NDUFS4: variants seen among roughly 807,000 people sequenced by gnomAD.
NDUFS4 encodes the protein NADH:ubiquinone oxidoreductase subunit S4.
In NDUFS4, 28 loss-of-function variants were observed where a neutral mutation model predicts 24.3. The ratio of observed to expected loss-of-function variants is 1.15; its 90% CI spans 0.85 to 1.58. The LOEUF (loss-of-function observed/expected upper bound fraction) is 1.58, where lower values mean the gene tolerates loss of function less well. Among genes scored for constraint, NDUFS4 ranks in the 40% most tolerant of loss-of-function variants. NDUFS4 has a pLI of 0.00. For synonymous variants in NDUFS4, 93 were observed against 69.7 expected (o/e 1.34, Z -1.67); for missense variants, 223 against 207.9 (o/e 1.07, Z -0.45).
intron 4 of NDUFS4, among the ~76,000 whole-genome samples, chr5:53,663,892 T>C (rs1752425689): frequency 6.6e-6 from 1 of 152,200 alleles, no homozygotes; most frequent in African/African-American, 2.4e-5. Context: ...CAGCTGGTTA[T>C]TTTGCTCATT....
At chr5:53,624,051 T>C (rs1308905128) in intron 2 of NDUFS4, among the ~76,000 whole-genome samples, 1 of 152,198 alleles carries the variant, frequency 6.6e-6, no homozygotes, top group Admixed American at 6.5e-5. Context: ...TTGTATATGG[T>C]GTAAGACAAG....
intron 1 of NDUFS4, among the ~76,000 whole-genome samples, chr5:53,568,345 A>G (rs577281080): frequency 1.3e-5 from 2 of 152,220 alleles, no homozygotes; most frequent in South Asian, 2.1e-4. Flanking sequence ...GCTTAGCTCT[A>G]TGGTGATTCT....
chr5:53,645,695 AGTT>A (rs1232160915), intron 2 of NDUFS4, among the ~76,000 whole-genome samples: 1 of 152,234 alleles, frequency 6.6e-6, no homozygotes, highest in Non-Finnish European at 1.5e-5. Context: ...TGCTAATTAA[AGTT>A]GTTAAATTTA....
rs568220240 is a variant in NDUFS4 at position 53,571,893 on chromosome 5, G to C, written c.98+11133G>C. 1.3e-4 allele frequency among the ~76,000 whole-genome samples: 20 copies of C among 152,158 alleles called. 1 individual carries two copies. The South Asian group carries it at 3.5e-3, about 27-fold the overall frequency. ...AATCATGTTATTTTCTTATTGTTCA[G>C]CTTTTATAGTTCCTAAAATATTCTG... On this transcript the variant is annotated intron_variant, in intron 1 of 4. Coordinates refer to ENST00000296684, the MANE Select transcript of NDUFS4 (RefSeq NM_002495.4).
intron 4 of NDUFS4, among the ~76,000 whole-genome samples, chr5:53,663,147 A>T (rs1290510295): frequency 6.6e-6 from 1 of 152,048 alleles, no homozygotes; most frequent in African/African-American, 2.4e-5. Context: ...GAGTTTCTTA[A>T]TCCTGAGTTC....
intron 1 of NDUFS4, among the ~76,000 whole-genome samples, chr5:53,584,669 A>G (rs1195667649): frequency 6.6e-6 from 1 of 152,180 alleles, no homozygotes; most frequent in Non-Finnish European, 1.5e-5. Context: ...TAGGTATGCC[A>G]ATTTGTAGTT....
chr5:53,598,009 A>G (rs1750180925), intron 1 of NDUFS4, among the ~76,000 whole-genome samples: 1 of 152,244 alleles, frequency 6.6e-6, no homozygotes, highest in African/African-American at 2.4e-5. Context: ...AATATGTTCA[A>G]CGTCATATGT....
At chr5:53,562,906 C>G (rs1331787425) in intron 1 of NDUFS4, among the ~76,000 whole-genome samples, 1 of 150,696 alleles carries the variant, frequency 6.6e-6, no homozygotes, top group African/African-American at 2.4e-5. Flanking sequence ...GAAGTGGAAT[C>G]AGTAAGGTAA....
intron 4 of NDUFS4, among the ~76,000 whole-genome samples, chr5:53,675,476 A>G (rs1485820629): frequency 3.9e-5 from 6 of 152,112 alleles, no homozygotes; most frequent in African/African-American, 1.2e-4. Flanking sequence ...GTTCCCTAAA[A>G]AGACTTTATA....
At chr5:53,666,022 C>A (rs1318323780) in intron 4 of NDUFS4, among the ~76,000 whole-genome samples, 1 of 152,302 alleles carries the variant, frequency 6.6e-6, no homozygotes, top group South Asian at 2.1e-4. Context: ...TTCTTAAGTG[C>A]AATTCCTTAC....
chr5:53,678,345 C>T lies in NDUFS4; in HGVS notation c.425-4773C>T, dbSNP rs145331961. Among the ~76,000 whole-genome samples, 707 of 152,242 alleles carry T rather than the reference C, an allele frequency of 4.6e-3. 5 individuals are homozygous for T. The highest frequency in any genetic ancestry group is 0.016 in the African/African-American group (681 of 41,534). Reference sequence around the variant, plus strand: ...CAGTGTGTGAAACAGCAAAGGGAGTCAGCTTCTCATCATTTAGGTGCTGGT... The same window carrying T: ...CAGTGTGTGAAACAGCAAAGGGAGTTAGCTTCTCATCATTTAGGTGCTGGT... On this transcript the variant is annotated intron_variant, in intron 4 of 4. Transcript: ENST00000296684.
At chr5:53,656,003 G>C (rs1279985539) in intron 3 of NDUFS4, among the ~76,000 whole-genome samples, 2 of 151,986 alleles carry the variant, frequency 1.3e-5, no homozygotes, top group African/African-American at 2.4e-5. Flanking sequence ...AAAGCTCCCT[G>C]CTCTGTGGAT....
chr5:53,645,926 A>G (rs1056842996), intron 2 of NDUFS4, among the ~76,000 whole-genome samples: 2 of 152,156 alleles, frequency 1.3e-5, no homozygotes, highest in African/African-American at 2.4e-5. Context: ...ATTGTTGACT[A>G]CAGGCTCTTC....
chr5:53,673,589 T>C (rs1230706926), intron 4 of NDUFS4, among the ~76,000 whole-genome samples: 2 of 152,142 alleles, frequency 1.3e-5, no homozygotes, highest in Non-Finnish European at 2.9e-5. Flanking sequence ...GATAAGACAT[T>C]CTCTTTCTCT....
At chr5:53,564,438 T>C (rs1353005827) in intron 1 of NDUFS4, among the ~76,000 whole-genome samples, 1 of 152,220 alleles carries the variant, frequency 6.6e-6, no homozygotes, top group Non-Finnish European at 1.5e-5. Context: ...ATTTCTAATA[T>C]GTTTTCTGAT....
intron 3 of NDUFS4, among the ~76,000 whole-genome samples, chr5:53,657,508 T>A (rs1752199152): frequency 6.6e-6 from 1 of 152,200 alleles, no homozygotes; most frequent in South Asian, 2.1e-4. Flanking sequence ...AAATTACCTT[T>A]TGAATCCTCC....
intron 1 of NDUFS4, among the ~76,000 whole-genome samples, chr5:53,568,571 G>T (rs934769647): frequency 3.3e-5 from 5 of 151,930 alleles, no homozygotes; most frequent in Admixed American, 6.5e-5. Flanking sequence ...TTCCTTAGAG[G>T]GAAAAAAGGC....
rs570511004 is a variant in NDUFS4 at position 53,602,319 on chromosome 5, T to C, written c.99-1133T>C. ...ACTTTGTGTAAATCATCTAGAGTTA[T>C]TTCCATGTTAGTACATTTTGTGTAG... On this transcript the variant is annotated intron_variant, in intron 1 of 4. Coordinates refer to ENST00000296684, the MANE Select transcript of NDUFS4 (RefSeq NM_002495.4). 2.0e-4 allele frequency among the ~76,000 whole-genome samples: 30 copies of C among 152,332 alleles called. No homozygotes were observed. In the South Asian group the frequency reaches 6.0e-3, roughly 31 times the overall value.
intron 3 of NDUFS4, among the ~76,000 whole-genome samples, chr5:53,653,317 A>T (rs1401175850): frequency 6.6e-6 from 1 of 152,196 alleles, no homozygotes; most frequent in East Asian, 1.9e-4. Flanking sequence ...TCAAGCCTTA[A>T]GTCATCAAAG....
Sources: allele counts gnomAD v4.1 joint callset (sites outside exome capture counted in the v4.1 genomes callset), GRCh38; gene constraint gnomAD v4.1.1; transcripts MANE v1.5; gene names NCBI Gene and HGNC (gene_info 2026-07-23, HGNC 2026-07-21).